The following TRIO variants were observed in gnomAD, a reference collection of about 807,000 sequenced individuals.
TRIO encodes the protein triple functional domain protein.
TRIO carries 58 observed loss-of-function variants against 351.9 expected under a neutral mutation model. That is an observed-to-expected ratio of 0.16 (90% confidence interval 0.13 to 0.21). TRIO has a LOEUF of 0.21. Among genes scored for constraint, TRIO ranks in the 10% least tolerant of loss-of-function variants. The pLI, the probability that TRIO is intolerant of heterozygous loss-of-function variation, is 1.00. For missense variants in TRIO, 3,201 were observed against 4,027.8 expected (o/e 0.79, Z 5.56); for synonymous variants, 1,758 against 1,595.7 (o/e 1.10, Z -2.42).
intron 15 of TRIO, among the ~76,000 whole-genome samples, chr5:14,365,921 A>C (rs1308880002): frequency 2.6e-5 from 4 of 152,184 alleles, no homozygotes; most frequent in Non-Finnish European, 5.9e-5. Flanking sequence ...CAGCCCCTCT[A>C]TCAGAAAAGA....
intron 21 of TRIO, among the ~76,000 whole-genome samples, chr5:14,382,416 C>G (rs551561993): frequency 4.6e-5 from 7 of 152,308 alleles, no homozygotes; most frequent in African/African-American, 1.7e-4. Context: ...AGGTGCTGGG[C>G]TCTCTCCTTT....
intron 1 of TRIO, among the ~76,000 whole-genome samples, chr5:14,254,425 A>G (rs1310775409): frequency 6.6e-6 from 1 of 152,158 alleles, no homozygotes; most frequent in East Asian, 1.9e-4. Context: ...TTTAAGAGGT[A>G]TAAAGGAGTC....
At chr5:14,434,387 C>G (rs1323772840) in intron 34 of TRIO, among the ~76,000 whole-genome samples, 1 of 152,036 alleles carries the variant, frequency 6.6e-6, no homozygotes. Context: ...GTTTCTTTTT[C>G]TACAAAGATC....
intron 37 of TRIO, among the ~76,000 whole-genome samples, chr5:14,467,403 A>T (rs1165811491): frequency 6.6e-6 from 1 of 152,148 alleles, no homozygotes; most frequent in Non-Finnish European, 1.5e-5. Context: ...ACCCTGCCAT[A>T]GCTAGAAATT....
chr5:14,382,996 G>C (rs1746246013), intron 21 of TRIO, among the ~76,000 whole-genome samples: 1 of 152,084 alleles, frequency 6.6e-6, no homozygotes, highest in African/African-American at 2.4e-5. Flanking sequence ...TGTTACCCAG[G>C]CTGGAATGCA....
Position 14,330,907 on chromosome 5 carries a change from C to G in TRIO, c.1854+7C>G. 1 of 1,613,770 alleles carries G rather than the reference C, an allele frequency of 6.2e-7. No homozygotes were observed. Among genetic ancestry groups the G allele is most frequent in the Non-Finnish European group, 8.5e-7 (1 of 1,179,800 alleles). ...TTTTGAAGAAGTGGCACAGGTAAAA[C>G]AATGGCTTCTATTATTTTATCCCAT... On this transcript the variant is annotated splice_region_variant and intron_variant, in intron 10 of 56. Transcript: ENST00000344204.
At chr5:14,227,229 C>T (rs1793101743) in intron 1 of TRIO, among the ~76,000 whole-genome samples, 1 of 152,132 alleles carries the variant, frequency 6.6e-6, no homozygotes, top group Non-Finnish European at 1.5e-5. Context: ...AGATGCCAGC[C>T]GTTGTATCAC....
chr5:14,198,667 C>A (rs1223868896), intron 1 of TRIO, among the ~76,000 whole-genome samples: 1 of 152,138 alleles, frequency 6.6e-6, no homozygotes, highest in African/African-American at 2.4e-5. Context: ...TGACTGGGCT[C>A]TGTAAACCTG....
At chr5:14,467,668 G>C (rs528836076) in intron 37 of TRIO, among the ~76,000 whole-genome samples, 1 of 152,058 alleles carries the variant, frequency 6.6e-6, no homozygotes, top group Non-Finnish European at 1.5e-5. Flanking sequence ...ACAAAAATCA[G>C]CTGGGTGTGG....
chr5:14,400,398 G>C (rs370736652), intron 30 of TRIO, among the ~76,000 whole-genome samples: 32 of 152,062 alleles, frequency 2.1e-4, no homozygotes, highest in African/African-American at 7.7e-4. Flanking sequence ...TGTGGGGGAG[G>C]GGCTGAAGCT....
chr5:14,152,171 G>A (rs1385177904), intron 1 of TRIO, among the ~76,000 whole-genome samples: 1 of 152,144 alleles, frequency 6.6e-6, no homozygotes. Context: ...TAAACAAATA[G>A]ATTTCTCATT....
At chr5:14,295,085 C>T (rs1458795491) in intron 6 of TRIO, among the ~76,000 whole-genome samples, 1 of 152,142 alleles carries the variant, frequency 6.6e-6, no homozygotes, top group Non-Finnish European at 1.5e-5. Flanking sequence ...TGTTGAATAC[C>T]TCCACGAATC....
At chr5:14,493,771 G>A (rs62345875) in intron 49 of TRIO, among the ~76,000 whole-genome samples, 2,419 of 152,272 alleles carry the variant, frequency 0.016, 22 homozygotes, top group Non-Finnish European at 0.025. Context: ...AGCGCCTCTC[G>A]CACCGAACAG....
intron 41 of TRIO, among the ~76,000 whole-genome samples, chr5:14,478,848 G>T (rs888013517): frequency 6.6e-6 from 1 of 151,790 alleles, no homozygotes; most frequent in Non-Finnish European, 1.5e-5. Context: ...TGTAATCCTA[G>T]CTACTCAGAG....
chr5:14,332,217 C>CA (rs1478936855), intron 10 of TRIO, among the ~76,000 whole-genome samples: 11 of 152,290 alleles, frequency 7.2e-5, no homozygotes, highest in African/African-American at 2.6e-4. Context: ...TGTAACCTGT[C>CA]ACAAAGTTAT....
chr5:14,424,167 G>A (rs1464261910), intron 34 of TRIO, among the ~76,000 whole-genome samples: 7 of 152,102 alleles, frequency 4.6e-5, no homozygotes, highest in Non-Finnish European at 1.0e-4. Context: ...GATGGGGCGG[G>A]CGCAGGAGGC....
chr5:14,329,348 C>T (rs1740695114), intron 9 of TRIO, among the ~76,000 whole-genome samples: 1 of 152,214 alleles, frequency 6.6e-6, no homozygotes, highest in South Asian at 2.1e-4. Context: ...GGTGGGGCTT[C>T]CAGGAGGGAA....
In TRIO at chr5:14,482,788, T is replaced by C; in HGVS notation, c.6657+15T>C. 1 of 1,535,458 alleles carries C rather than the reference T, an allele frequency of 6.5e-7. No individual in the cohort carries two copies. ...ACAGTATCAAGGTAACGTGTGTCTC[T>C]GTGTGATTTCTCTGTGCCAGCGCAT... On this transcript the variant is annotated intron_variant, in intron 46 of 56. Transcript: ENST00000344204.
At chr5:14,280,738 C>T (rs1288768636) in intron 3 of TRIO, among the ~76,000 whole-genome samples, 1 of 152,154 alleles carries the variant, frequency 6.6e-6, no homozygotes, top group African/African-American at 2.4e-5. Flanking sequence ...GATTCTAATA[C>T]CGTGACACAG....
Sources: allele counts gnomAD v4.1 joint callset (sites outside exome capture counted in the v4.1 genomes callset), GRCh38; gene constraint gnomAD v4.1.1; transcripts MANE v1.5; gene names NCBI Gene and HGNC (gene_info 2026-07-23, HGNC 2026-07-21).